LRRC20: variants seen among roughly 807,000 people sequenced by gnomAD.
The protein encoded by LRRC20 is leucine-rich repeat-containing protein 20.
In LRRC20, 11 loss-of-function variants were observed where a neutral mutation model predicts 14.4. That is an observed-to-expected ratio of 0.77 (90% CI 0.48 to 1.27). LRRC20 has a LOEUF of 1.27. Ranked by LOEUF, LRRC20 falls within the 50% of genes most tolerant of loss-of-function variation. LRRC20 has a pLI of 0.00. For missense variants in LRRC20, 219 were observed against 251.2 expected (o/e 0.87, Z 0.87); for synonymous variants, 121 against 107.3 (o/e 1.13, Z -0.79).
rs369494024 is a variant in LRRC20, at chr10:70,340,535, G to A, written c.232+18C>T. The A allele has an allele frequency of 7.4e-6, 12 of 1,613,770 alleles. No homozygotes were observed. The highest frequency in any genetic ancestry group is 9.3e-6 in the Non-Finnish European group (11 of 1,179,952). ...AGAGCTGGCCATGCCCTCCTGGCTG[G>A]AGCTGACCAGGGCCTACCTCGGAGC... On this transcript the variant is annotated intron_variant, in intron 3 of 4. Coordinates refer to ENST00000446961, the MANE Select transcript of LRRC20 (RefSeq NM_001278212.2).
Position 70,372,741 on chromosome 10 carries a change from C to A in LRRC20, c.82+3711G>T, listed in dbSNP as rs538597234. 2.6e-5 allele frequency among the ~76,000 whole-genome samples: 4 copies of A among 151,876 alleles called. No homozygotes were observed. In the East Asian group the frequency reaches 5.8e-4, roughly 22 times the overall value. On this transcript the variant is annotated intron_variant, in intron 2 of 4. Transcript: ENST00000446961. ...AAAGGTGTGAGCCACTGCGCCCGGC[C>A]GAGAATGTGCCAGTCTTTATTTAAT...
At chr10:70,382,120 GAGC>G (rs1306828075) in intron 1 of LRRC20, among the ~76,000 whole-genome samples, 1 of 152,242 alleles carries the variant, frequency 6.6e-6, no homozygotes, top group East Asian at 1.9e-4. Flanking sequence ...GCACGCTCTG[GAGC>G]AGGCGTCTGC....
intron 2 of LRRC20, among the ~76,000 whole-genome samples, chr10:70,359,288 C>T (rs1047171716): frequency 2.6e-5 from 4 of 152,136 alleles, no homozygotes; most frequent in Admixed American, 6.5e-5. Context: ...CAGGCACAGT[C>T]GCTCATGCCT....
At chr10:70,360,757 C>T (rs1843690292) in intron 2 of LRRC20, among the ~76,000 whole-genome samples, 1 of 152,092 alleles carries the variant, frequency 6.6e-6, no homozygotes, top group South Asian at 2.1e-4. Flanking sequence ...GCATTTCTGC[C>T]AGCTCTGTCA....
In LRRC20 at chr10:70,308,864, T is replaced by C. The variant is rs75198851; in HGVS notation, c.401-7356A>G. 5.9e-5 allele frequency among the ~76,000 whole-genome samples: 9 copies of C among 152,354 alleles called. No individual in the cohort carries two copies. The East Asian group carries it at 1.7e-3, about 29-fold the overall frequency. On this transcript the variant is annotated intron_variant, in intron 4 of 4. Coordinates refer to ENST00000446961, the MANE Select transcript of LRRC20 (RefSeq NM_001278212.2). ...CCTCCTTCGCTTTCTCTGGAGCTCA[T>C]GTGGGTACAAATGTCATACCACACA...
chr10:70,358,050 C>T (rs1045993063), intron 2 of LRRC20, among the ~76,000 whole-genome samples: 1 of 152,238 alleles, frequency 6.6e-6, no homozygotes, highest in Non-Finnish European at 1.5e-5. Flanking sequence ...AAGCCACACA[C>T]TAAGTAGGCA....
intron 4 of LRRC20, among the ~76,000 whole-genome samples, chr10:70,312,421 G>A (rs1841702539): frequency 6.6e-6 from 1 of 152,190 alleles, no homozygotes; most frequent in Non-Finnish European, 1.5e-5. Context: ...TCTGGGTGGA[G>A]TCAGGCGGGG....
intron 2 of LRRC20, among the ~76,000 whole-genome samples, chr10:70,355,863 C>T (rs10823527): frequency 3.9e-4 from 57 of 148,006 alleles, no homozygotes; most frequent in Non-Finnish European, 6.7e-4. Context: ...AGCAGCCGCA[C>T]GCTCAGAGGG....
At chr10:70,322,021 G>A (rs913493890) in intron 4 of LRRC20, among the ~76,000 whole-genome samples, 2 of 152,224 alleles carry the variant, frequency 1.3e-5, no homozygotes, top group African/African-American at 2.4e-5. Flanking sequence ...CCTTTCAGAA[G>A]GGGAAGGACC....
rs529549098 is a variant in LRRC20 at position 70,371,928 on chromosome 10, G to A, written c.82+4524C>T. On this transcript the variant is annotated intron_variant, in intron 2 of 4. Transcript: ENST00000446961. Reference sequence around the variant, plus strand: ...AGCTCTAGCCAGGGGTGCCCCAGGAGCACTGGGGGAGCATGTGAAGTGCTT... The same window carrying A: ...AGCTCTAGCCAGGGGTGCCCCAGGAACACTGGGGGAGCATGTGAAGTGCTT... Among the ~76,000 whole-genome samples the A allele has an allele frequency of 3.3e-5, 5 of 152,276 alleles. 1 individual carries two copies. The highest frequency in any genetic ancestry group is 1.2e-4 in the African/African-American group (5 of 41,558).
At chr10:70,347,168 T>C (rs756815034) in intron 2 of LRRC20, among the ~76,000 whole-genome samples, 3 of 149,040 alleles carry the variant, frequency 2.0e-5, no homozygotes, top group Non-Finnish European at 4.4e-5. Flanking sequence ...TTAACTTTTA[T>C]TGGAAAAAAT....
chr10:70,358,271 T>A (rs1312191517), intron 2 of LRRC20, among the ~76,000 whole-genome samples: 1 of 152,126 alleles, frequency 6.6e-6, no homozygotes, highest in African/African-American at 2.4e-5. Context: ...TCGGGTGTGA[T>A]GAGATGCCAA....
intron 4 of LRRC20, among the ~76,000 whole-genome samples, chr10:70,312,284 C>T (rs1841694599): frequency 6.6e-6 from 1 of 152,204 alleles, no homozygotes; most frequent in Admixed American, 6.5e-5. Flanking sequence ...CTGCATACCC[C>T]CTCTCAAAAT....
At chr10:70,350,560 G>A (rs994135414) in intron 2 of LRRC20, among the ~76,000 whole-genome samples, 2 of 152,182 alleles carry the variant, frequency 1.3e-5, no homozygotes, top group Admixed American at 1.3e-4. Context: ...ATTCAGGAGC[G>A]CCTGATTGAG....
At chr10:70,315,825 G>A (rs904710813) in intron 4 of LRRC20, among the ~76,000 whole-genome samples, 1 of 152,124 alleles carries the variant, frequency 6.6e-6, no homozygotes, top group African/African-American at 2.4e-5. Flanking sequence ...TAGATTTGAG[G>A]TATCCTCTCA....
chr10:70,350,392 A>G (rs1843255692), intron 2 of LRRC20, among the ~76,000 whole-genome samples: 1 of 152,216 alleles, frequency 6.6e-6, no homozygotes, highest in Admixed American at 6.5e-5. Flanking sequence ...TAATTAGAAC[A>G]GTTTTTTGCA....
rs190848472 is a variant in LRRC20, at chr10:70,305,102, T to A, written c.401-3594A>T. On this transcript the variant is annotated intron_variant, in intron 4 of 4. Coordinates refer to ENST00000446961, the MANE Select transcript of LRRC20 (RefSeq NM_001278212.2). ...GGGAGGCTGAGGCAGGAGAATCTCT[T>A]GAACCTGGGAGGTGGAGGTTGCAGT... Among the ~76,000 whole-genome samples the A allele has an allele frequency of 1.3e-3, 199 of 152,254 alleles. 1 individual carries two copies. The highest frequency in any genetic ancestry group is 4.4e-3 in the African/African-American group (183 of 41,540).
At chr10:70,369,126 C>A (rs1359417903) in intron 2 of LRRC20, among the ~76,000 whole-genome samples, 1 of 152,212 alleles carries the variant, frequency 6.6e-6, no homozygotes, top group Middle Eastern at 3.2e-3. Flanking sequence ...TAGATGTTCA[C>A]CTCTGCTTTT....
At chr10:70,375,402 G>A (rs1378529985) in intron 2 of LRRC20, among the ~76,000 whole-genome samples, 1 of 152,210 alleles carries the variant, frequency 6.6e-6, no homozygotes. Flanking sequence ...GTGGATGAGG[G>A]AAGGCGGAGG....
Sources: allele counts gnomAD v4.1 joint callset (sites outside exome capture counted in the v4.1 genomes callset), GRCh38; gene constraint gnomAD v4.1.1; transcripts MANE v1.5; gene names NCBI Gene and HGNC (gene_info 2026-07-23, HGNC 2026-07-21).